Variants in KCNK12 observed in about 807,000 individuals in gnomAD.
KCNK12 encodes the protein potassium channel subfamily K member 12.
A neutral mutation model predicts 25.3 loss-of-function variants in KCNK12; 6 were observed. The observed-to-expected ratio is 0.24, with a 90% CI of 0.13 to 0.47. KCNK12 has a LOEUF of 0.47. Among genes scored for constraint, KCNK12 ranks in the 20% least tolerant of loss-of-function variants. KCNK12 has a pLI of 0.99. For synonymous variants in KCNK12, 331 were observed against 311.1 expected, an observed-to-expected ratio of 1.06 and a Z score of -0.67; for missense variants, 444 against 661.7, an observed-to-expected ratio of 0.67 and a Z score of 3.61.
chr2:47,518,124 G>A lies in KCNK12; in HGVS notation c.*2783C>T, dbSNP rs1333685980. On this transcript the variant is annotated 3_prime_UTR_variant, in exon 2 of 2. Coordinates refer to ENST00000327876, the MANE Select transcript of KCNK12 (RefSeq NM_022055.2). The surrounding 1 kb of genome is among the most constrained non-coding windows in gnomAD (Gnocchi z 4.1). ...AATGTCACTGTTCCTGAAATGATGG[G>A]AGAACCACATCCCTGCTTCAGGGAA... is the stretch of plus-strand genomic sequence containing the variant. 1 of 152,236 alleles carries A rather than the reference G, an allele frequency of 6.6e-6. No homozygotes were observed. The highest frequency in any genetic ancestry group is 1.5e-5 in the Non-Finnish European group (1 of 68,050). The allele number at this position is 152,236 out of a possible 1,614,324, so 9.4% of individuals were successfully genotyped here.
chr2:47,568,319 A>G (rs937094811), intron 1 of KCNK12, among the ~76,000 whole-genome samples: 3 of 151,390 alleles, frequency 2.0e-5, no homozygotes, highest in Non-Finnish European at 4.4e-5. Flanking sequence ...AAAAAAAAAA[A>G]CTCTAGTTGC....
At chr2:47,532,486 A>G (rs761049318) in intron 1 of KCNK12, among the ~76,000 whole-genome samples, 32 of 151,994 alleles carry the variant, frequency 2.1e-4, no homozygotes, top group Non-Finnish European at 4.6e-4. Flanking sequence ...CTCAGCCTCC[A>G]GAGTAGCTGG....
intron 1 of KCNK12, among the ~76,000 whole-genome samples, chr2:47,530,438 C>T (rs6751501): frequency 0.34 from 51,871 of 152,048 alleles, 9,342 homozygotes; most frequent in East Asian, 0.5. Flanking sequence ...AACCGACCAC[C>T]GTGGACAAGC....
rs1432141470 is a variant in KCNK12 at position 47,569,631 on chromosome 2, A to G, written c.391+310T>C. ...GGGTGGAAAACAGGAAGGAACCGGT[A>G]GCCCTTGGCACGTATTCTTAGAGGA... On this transcript the variant is annotated intron_variant, in intron 1 of 1. Transcript: ENST00000327876. This position sits in a 1 kb window ranked among gnomAD's most constrained non-coding sequence, Gnocchi z 4.1. 6.6e-6 allele frequency among the ~76,000 whole-genome samples: 1 copy of G among 152,164 alleles called. No homozygotes were observed. Among genetic ancestry groups the G allele is most frequent in the Non-Finnish European group, 1.5e-5 (1 of 68,026 alleles).
At position 47,509,450 on chromosome 2, in the gene KCNK12, T is replaced by G. The variant is rs1240447718; in HGVS notation, c.*11457A>C. On this transcript the variant is annotated 3_prime_UTR_variant, in exon 2 of 2. Transcript: ENST00000327876. Reference sequence around the variant, plus strand: ...TGTCCCATAGCAGGAAACCACAGTCTCTGATGTCAGCTGGCTGCCAACACG... The same window carrying G: ...TGTCCCATAGCAGGAAACCACAGTCGCTGATGTCAGCTGGCTGCCAACACG... Among the ~76,000 whole-genome samples the G allele has an allele frequency of 6.6e-6, 1 of 152,208 alleles. No homozygotes were observed. Among genetic ancestry groups the G allele is most frequent in the Admixed American group, 6.5e-5 (1 of 15,288 alleles).
In KCNK12 at chr2:47,514,098, A is replaced by G. The variant is rs1332319488; in HGVS notation, c.*6809T>C. On this transcript the variant is annotated 3_prime_UTR_variant, in exon 2 of 2. Coordinates refer to ENST00000327876, the MANE Select transcript of KCNK12 (RefSeq NM_022055.2). This position sits in a 1 kb window ranked among gnomAD's most constrained non-coding sequence, Gnocchi z 5.0. ...GCTCTGCATGCTCCAGTCCTGCAGA[A>G]CTACACACAGTTCCCCCAACAAGGC... Among the ~76,000 whole-genome samples the G allele has an allele frequency of 6.6e-6, 1 of 152,128 alleles. No individual in the cohort carries two copies. Among genetic ancestry groups the G allele is most frequent in the Non-Finnish European group, 1.5e-5 (1 of 68,018 alleles).
At position 47,566,859 on chromosome 2, in the gene KCNK12, C is replaced by A. The variant is rs1326802240; in HGVS notation, c.391+3082G>T. The stretch of plus-strand genomic sequence containing the variant: ...GAACCCCTCATTAACTGTGTGACCA[C>A]TGACAAGTCCCCTAACCCTGTGCCA... On this transcript the variant is annotated intron_variant, in intron 1 of 1. Transcript: ENST00000327876. The surrounding 1 kb of genome is among the most constrained non-coding windows in gnomAD (Gnocchi z 4.1). The A allele has an allele frequency of 1.3e-5, 2 of 152,222 alleles. No individual in the cohort carries two copies. The highest frequency in any genetic ancestry group is 2.4e-5 in the African/African-American group (1 of 41,456). 9.4% of individuals were successfully genotyped at this position (152,222 alleles called of 1,614,324 possible).
intron 1 of KCNK12, chr2:47,564,908 G>A (rs1181739480): frequency 6.6e-6 from 1 of 152,110 alleles, no homozygotes; most frequent in Non-Finnish European, 1.5e-5. Flanking sequence ...TGGCTCCCGG[G>A]TGTAATCCCA....
chr2:47,554,248 G>C (rs1205877918), intron 1 of KCNK12, among the ~76,000 whole-genome samples: 1 of 151,566 alleles, frequency 6.6e-6, no homozygotes, highest in Non-Finnish European at 1.5e-5. Flanking sequence ...CAGAGGTCAG[G>C]GAACAAACAA....
chr2:47,539,232 T>A (rs570919515), intron 1 of KCNK12, among the ~76,000 whole-genome samples: 1 of 152,320 alleles, frequency 6.6e-6, no homozygotes, highest in African/African-American at 2.4e-5. Context: ...AGAATTTATA[T>A]CTCCCATTTC....
At chr2:47,544,360 G>A (rs767518103) in intron 1 of KCNK12, among the ~76,000 whole-genome samples, 9 of 152,216 alleles carry the variant, frequency 5.9e-5, no homozygotes, top group Admixed American at 2.0e-4. Context: ...CATCTCTGCC[G>A]AGGGCATAAA....
At chr2:47,523,175 T>C (rs1668698415) in intron 1 of KCNK12, among the ~76,000 whole-genome samples, 1 of 152,226 alleles carries the variant, frequency 6.6e-6, no homozygotes, top group Admixed American at 6.5e-5. Context: ...TCCATAGGGC[T>C]TTGCCTTAAT....
In KCNK12 at chr2:47,514,755, C is replaced by T. The variant is rs751377089; in HGVS notation, c.*6152G>A. Among the ~76,000 whole-genome samples, 2 of 152,012 alleles carry T rather than the reference C, an allele frequency of 1.3e-5. No individual in the cohort carries two copies. The highest frequency in any genetic ancestry group is 4.8e-5 in the African/African-American group (2 of 41,390). ...CCCCCTGAGTCTCTTGGACTCCAGG[C>T]GTGCACCACCATGACTGGCTAATTT... On this transcript the variant is annotated 3_prime_UTR_variant, in exon 2 of 2. Transcript: ENST00000327876. This position sits in a 1 kb window ranked among gnomAD's most constrained non-coding sequence, Gnocchi z 5.0.
rs959536172 is a variant in KCNK12 at position 47,557,349 on chromosome 2, A to G, written c.391+12592T>C. Among the ~76,000 whole-genome samples, 3 of 152,160 alleles carry G rather than the reference A, an allele frequency of 2.0e-5. No individual in the cohort carries two copies. Among genetic ancestry groups the G allele is most frequent in the African/African-American group, 7.2e-5 (3 of 41,424 alleles). On this transcript the variant is annotated intron_variant, in intron 1 of 1. Coordinates refer to ENST00000327876, the MANE Select transcript of KCNK12 (RefSeq NM_022055.2). This position sits in a 1 kb window ranked among gnomAD's most constrained non-coding sequence, Gnocchi z 4.9. ...TTGCTCACCATGTGATGCCTTCCACATGGATGACTCTTGCCAGATGCCAGA... is the reference window on the plus strand; with the variant it reads ...TTGCTCACCATGTGATGCCTTCCACGTGGATGACTCTTGCCAGATGCCAGA...
In KCNK12 at chr2:47,556,460, A is replaced by T. The variant is rs1167811666; in HGVS notation, c.391+13481T>A. Among the ~76,000 whole-genome samples the T allele has an allele frequency of 6.6e-6, 1 of 152,114 alleles. No individual in the cohort carries two copies. The highest frequency in any genetic ancestry group is 1.9e-4 in the East Asian group (1 of 5,186). ...GGCTAAAGATGGAAGAGGGAGGATA[A>T]GTGGTGGACACAGTAGGAAGTACAG... On this transcript the variant is annotated intron_variant, in intron 1 of 1. Transcript: ENST00000327876. The surrounding 1 kb of genome is among the most constrained non-coding windows in gnomAD (Gnocchi z 4.8).
rs1669530636 is a variant in KCNK12 at position 47,555,389 on chromosome 2, C to G, written c.391+14552G>C. Among the ~76,000 whole-genome samples, 1 of 152,238 alleles carries G rather than the reference C, an allele frequency of 6.6e-6. No homozygotes were observed. Among genetic ancestry groups the G allele is most frequent in the Admixed American group, 6.5e-5 (1 of 15,292 alleles). ...TGCCAAGGTGTCCTCCTTACCCTCTCTGTACTCTTAATCACTGGGGACCCC... is the reference window on the plus strand; with the variant it reads ...TGCCAAGGTGTCCTCCTTACCCTCTGTGTACTCTTAATCACTGGGGACCCC... On this transcript the variant is annotated intron_variant, in intron 1 of 1. Transcript: ENST00000327876. This position sits in a 1 kb window ranked among gnomAD's most constrained non-coding sequence, Gnocchi z 4.5.
At chr2:47,534,721 G>A (rs1428535080) in intron 1 of KCNK12, among the ~76,000 whole-genome samples, 2 of 152,048 alleles carry the variant, frequency 1.3e-5, no homozygotes, top group African/African-American at 4.8e-5. Flanking sequence ...GGGCGCTCAT[G>A]TGGGGCTTGT....
At position 47,529,761 on chromosome 2, in the gene KCNK12, A is replaced by C. The variant is rs1459497848; in HGVS notation, c.392-7953T>G. On this transcript the variant is annotated intron_variant, in intron 1 of 1. Transcript: ENST00000327876. The surrounding 1 kb of genome is among the most constrained non-coding windows in gnomAD (Gnocchi z 4.3). ...ACTCAGTGGGCAGGGATGGAAAAAG[A>C]CTCAGAAATACTGGGCATGGCCCAT... Among the ~76,000 whole-genome samples the C allele has an allele frequency of 6.6e-6, 1 of 152,180 alleles. No individual in the cohort carries two copies. Among genetic ancestry groups the C allele is most frequent in the East Asian group, 1.9e-4 (1 of 5,202 alleles).
At chr2:47,541,781 T>G (rs934514769) in intron 1 of KCNK12, among the ~76,000 whole-genome samples, 7 of 151,536 alleles carry the variant, frequency 4.6e-5, no homozygotes, top group African/African-American at 1.7e-4. Flanking sequence ...AAGGAGAGAG[T>G]CCTCAGGAGA....
Sources: allele counts gnomAD v4.1 joint callset (sites outside exome capture counted in the v4.1 genomes callset), GRCh38; gene constraint gnomAD v4.1.1; non-coding constraint Gnocchi (gnomAD v3.1); transcripts MANE v1.5; gene names NCBI Gene and HGNC (gene_info 2026-07-23, HGNC 2026-07-21).